EIF4G3: variants seen among roughly 807,000 people sequenced by gnomAD.
The protein encoded by EIF4G3 is eIF-4-gamma 3.
A neutral mutation model predicts 186.4 loss-of-function variants in EIF4G3; 34 were observed. The observed-to-expected ratio is 0.18, with a 90% CI of 0.14 to 0.24. EIF4G3 has a LOEUF of 0.24. EIF4G3 is among the 10% of genes least tolerant of loss of function. The probability of loss-of-function intolerance (pLI) is 1.00; values close to 1 mark genes in which losing one functional copy is unlikely to be tolerated. For missense variants in EIF4G3, 1,536 were observed against 1,948.5 expected, an observed-to-expected ratio of 0.79 and a Z score of 3.99; for synonymous variants, 673 against 679.5, an observed-to-expected ratio of 0.99 and a Z score of 0.15.
intron 2 of EIF4G3, among the ~76,000 whole-genome samples, chr1:21,103,226 T>A (rs563349906): frequency 9.2e-5 from 14 of 152,282 alleles, no homozygotes; most frequent in Middle Eastern, 3.4e-3. Flanking sequence ...TCTACTCCTA[T>A]ACTGCTTTCT....
At chr1:21,157,315 G>A (rs528000215) in intron 2 of EIF4G3, among the ~76,000 whole-genome samples, 76 of 151,860 alleles carry the variant, frequency 5.0e-4, no homozygotes, top group African/African-American at 1.8e-3. Flanking sequence ...TGACTTTCAA[G>A]GTTCTGATCT....
At chr1:20,829,458 A>C (rs995270508) in intron 30 of EIF4G3, among the ~76,000 whole-genome samples, 186 bp from the exon 31 acceptor site, 11 of 152,200 alleles carry the variant, frequency 7.2e-5, no homozygotes, top group African/African-American at 2.7e-4. Flanking sequence ...TGGGGGAAAA[A>C]GACTAGAACA....
intron 12 of EIF4G3, 88 bp from the exon 13 acceptor site, chr1:20,950,199 T>C (rs1002380646): frequency 4.5e-6 from 4 of 892,266 alleles, no homozygotes; most frequent in African/African-American, 3.4e-5. Flanking sequence ...GGGAAGACAG[T>C]AGAGCACAGG....
At chr1:21,121,052 G>A (rs941161997) in intron 2 of EIF4G3, among the ~76,000 whole-genome samples, 1 of 152,056 alleles carries the variant, frequency 6.6e-6, no homozygotes, top group African/African-American at 2.4e-5. Context: ...CCAAGTAGGT[G>A]GGACTACAGG....
At chr1:20,937,698 A>AC (rs2095560812) in intron 14 of EIF4G3, among the ~76,000 whole-genome samples, 1 of 152,214 alleles carries the variant, frequency 6.6e-6, no homozygotes, top group Non-Finnish European at 1.5e-5. Context: ...TACATACTAT[A>AC]CATCATATAC....
intron 18 of EIF4G3, among the ~76,000 whole-genome samples, chr1:20,888,873 T>C (rs575923763): frequency 6.6e-6 from 1 of 152,148 alleles, no homozygotes; most frequent in Non-Finnish European, 1.5e-5. Flanking sequence ...AGTAGCAACA[T>C]ATGATGAATG....
At chr1:20,819,422 T>C (rs991821715) in intron 33 of EIF4G3, among the ~76,000 whole-genome samples, 3 of 151,076 alleles carry the variant, frequency 2.0e-5, no homozygotes, top group Non-Finnish European at 4.4e-5. Context: ...TTGCTTTTTT[T>C]TTCTTTTAAA....
intron 8 of EIF4G3, 26 bp downstream of exon 8, chr1:20,982,362 G>A: frequency 6.6e-7 from 1 of 1,505,282 alleles, no homozygotes; most frequent in Non-Finnish European, 8.9e-7. Context: ...TTATAAAGAG[G>A]CCATGCAGAA....
chr1:20,980,381 C>A lies in EIF4G3; in HGVS notation c.446G>T (p.Gly149Val). 6.5e-7 allele frequency: 1 copy of A among 1,549,928 alleles called. No individual in the cohort carries two copies. Among genetic ancestry groups the A allele is most frequent in the South Asian group, 1.2e-5 (1 of 81,170 alleles). ...AGGTCCTGGTCCAGGATAAAAAGGACCTGGCCCCGGTGGTTGAACTGGATA... is the reference window on the plus strand; with the variant it reads ...AGGTCCTGGTCCAGGATAAAAAGGAACTGGCCCCGGTGGTTGAACTGGATA... ...QQYPVQPPGP[G>V]PFYPGPGPGD... is the part of the protein sequence containing the mutation. Residue 149 changes from glycine (G) to valine (V), a missense_variant, in exon 10 of 37, where the codon GGT (glycine) becomes GTT (valine). Gly to Val is a moderately radical substitution (Grantham distance 109, BLOSUM62 -3). Transcript: ENST00000602326.
chr1:20,982,505 C>G, intron 7 of EIF4G3, 97 bp from the exon 8 acceptor site: 1 of 768,138 alleles, frequency 1.3e-6, no homozygotes, highest in Non-Finnish European at 2.0e-6. Context: ...GCATGCAGCT[C>G]AACAAAAATA....
intron 14 of EIF4G3, among the ~76,000 whole-genome samples, chr1:20,924,776 G>T (rs942686687): frequency 6.6e-6 from 1 of 152,288 alleles, no homozygotes; most frequent in East Asian, 1.9e-4. Flanking sequence ...TGGCCAGGCT[G>T]GTCTCGAACT....
chr1:20,908,620 T>A (rs962421405), intron 14 of EIF4G3, among the ~76,000 whole-genome samples: 4 of 152,274 alleles, frequency 2.6e-5, no homozygotes, highest in African/African-American at 9.6e-5. Flanking sequence ...ATACAAGTCA[T>A]CCCCATAAAT....
intron 2 of EIF4G3, among the ~76,000 whole-genome samples, chr1:21,099,791 C>T (rs1255424944): frequency 6.6e-6 from 1 of 152,000 alleles, no homozygotes; most frequent in East Asian, 1.9e-4. Context: ...AACTATATAT[C>T]CAAAATAAAT....
At chr1:20,928,611 C>A (rs917836062) in intron 14 of EIF4G3, among the ~76,000 whole-genome samples, 1 of 152,116 alleles carries the variant, frequency 6.6e-6, no homozygotes, top group African/African-American at 2.4e-5. Context: ...CCATGTTGGC[C>A]AGGATGGTCT....
At chr1:21,040,646 TTTGAG>T (rs774752087) in intron 4 of EIF4G3, among the ~76,000 whole-genome samples, 11 of 152,216 alleles carry the variant, frequency 7.2e-5, no homozygotes, top group South Asian at 2.1e-4. Context: ...TTTTGACCAA[TTTGAG>T]TTGAGATTTG....
chr1:21,114,723 T>A (rs35232065), intron 2 of EIF4G3, among the ~76,000 whole-genome samples: 4,166 of 121,060 alleles, frequency 0.034, 85 homozygotes, highest in Non-Finnish European at 0.054. Context: ...ATAAAAAAAA[T>A]TTTTTTTGCT....
At chr1:20,922,438 C>T (rs1309881417) in intron 14 of EIF4G3, among the ~76,000 whole-genome samples, 1 of 152,146 alleles carries the variant, frequency 6.6e-6, no homozygotes, top group Admixed American at 6.5e-5. Flanking sequence ...GCTGGGATTA[C>T]AGGCATGCAC....
At chr1:20,900,232 A>C (rs1278296176) in intron 15 of EIF4G3, among the ~76,000 whole-genome samples, 1 of 152,208 alleles carries the variant, frequency 6.6e-6, no homozygotes, top group Non-Finnish European at 1.5e-5. Context: ...AATCCATGGA[A>C]CTTTATGAAC....
At chr1:21,153,613 T>C (rs1289081681) in intron 2 of EIF4G3, among the ~76,000 whole-genome samples, 2 of 152,164 alleles carry the variant, frequency 1.3e-5, no homozygotes, top group Non-Finnish European at 2.9e-5. Context: ...CAGGCTGCAG[T>C]GCAATGAATT....
Sources: allele counts gnomAD v4.1 joint callset (sites outside exome capture counted in the v4.1 genomes callset), GRCh38; gene constraint gnomAD v4.1.1; transcripts MANE v1.5; gene names NCBI Gene and HGNC (gene_info 2026-07-23, HGNC 2026-07-21).